SH3GLB2: variants seen among roughly 807,000 people sequenced by gnomAD.
SH3GLB2 encodes endophilin-B2.
Under a neutral mutation model 48.0 loss-of-function variants are expected in SH3GLB2, and 24 were observed. The observed-to-expected ratio is 0.50, with a 90% confidence interval of 0.36 to 0.70. SH3GLB2 has a LOEUF of 0.70. SH3GLB2 is among the 30% of genes least tolerant of loss of function. The probability of loss-of-function intolerance (pLI) is 0.00; values close to 1 mark genes in which losing one functional copy is unlikely to be tolerated. For synonymous variants in SH3GLB2, 227 were observed against 207.6 expected (o/e 1.09, Z -0.80); for missense variants, 425 against 516.0 (o/e 0.82, Z 1.71).
At position 129,014,583 on chromosome 9, in the gene SH3GLB2, G is replaced by A. The variant is rs549849191; in HGVS notation, c.469-80C>T. On this transcript the variant is annotated intron_variant, in intron 4 of 10. Transcript: ENST00000372564. The surrounding 1 kb of genome is among the most constrained non-coding windows in gnomAD (Gnocchi z 4.1). The stretch of plus-strand genomic sequence containing the variant: ...AGCCATGCATGGCAAGATTGGTGCC[G>A]GGGACGATCAAGTCAAGATAGGGAA... 24 of 1,496,596 alleles carry A rather than the reference G, an allele frequency of 1.6e-5. No homozygotes were observed. Among genetic ancestry groups the A allele is most frequent in the South Asian group, 6.0e-5 (5 of 83,972 alleles). 92.7% of individuals were successfully genotyped at this position (1,496,596 alleles called of 1,614,324 possible).
chr9:129,025,464 G>A (rs1330522648), intron 1 of SH3GLB2, among the ~76,000 whole-genome samples: 1 of 151,776 alleles, frequency 6.6e-6, no homozygotes, highest in Non-Finnish European at 1.5e-5. Flanking sequence ...TACTCGGGAG[G>A]CTGAGGCAGA....
At chr9:129,019,350 T>C (rs192846829) in intron 3 of SH3GLB2, among the ~76,000 whole-genome samples, 268 of 151,290 alleles carry the variant, frequency 1.8e-3, no homozygotes, top group Non-Finnish European at 2.9e-3. Context: ...ATTGCACCAC[T>C]GCAATCCAGC....
At chr9:129,027,974 C>A (rs1844261217) in intron 1 of SH3GLB2, 118 bp downstream of exon 1, 1 of 939,590 alleles carries the variant, frequency 1.1e-6, no homozygotes, top group South Asian at 1.9e-5. Flanking sequence ...TGTGCCGCGG[C>A]GGGGACGAGG....
At position 129,009,869 on chromosome 9, in the gene SH3GLB2, C is replaced by T. The variant is rs1393436304; in HGVS notation, c.741G>A (p.Val247=). The part of the protein sequence containing the change: ...LLLEGISSTH[V]NHLRCLHEFV... ...ACTCGTGGAGGCAGCGCAGGTGGTT[C>T]ACCTGCGGGGAAGAGGCCAGAGGCT... The change falls in exon 9 of 11, where the codon GTG becomes GTA. Residue 247 remains valine (V), a splice_region_variant and synonymous_variant. Transcript: ENST00000372564. 2.5e-6 allele frequency: 4 copies of T among 1,613,324 alleles called. No individual in the cohort carries two copies. Among genetic ancestry groups the T allele is most frequent in the Non-Finnish European group, 3.4e-6 (4 of 1,179,674 alleles).
chr9:129,021,264 GC>G (rs2131288286), intron 2 of SH3GLB2, 45 bp from the exon 3 acceptor site: 1 of 1,549,312 alleles, frequency 6.5e-7, no homozygotes, highest in Non-Finnish European at 8.7e-7. Context: ...CTTAGTTCAA[GC>G]CCAAAAATGA....
intron 3 of SH3GLB2, among the ~76,000 whole-genome samples, chr9:129,020,882 A>G (rs1452148168): frequency 1.8e-5 from 2 of 110,160 alleles, no homozygotes; most frequent in Non-Finnish European, 3.8e-5. Context: ...AAAAAAACAA[A>G]AACAAAACAC....
chr9:129,021,250 G>C (rs1187130601), intron 2 of SH3GLB2, 31 bp from the exon 3 acceptor site: 2 of 1,582,144 alleles, frequency 1.3e-6, no homozygotes, highest in African/African-American at 2.7e-5. Context: ...AAGCCACAGG[G>C]CTCCTTAGTT....
chr9:129,026,248 T>C (rs558425991), intron 1 of SH3GLB2, among the ~76,000 whole-genome samples: 153 of 152,278 alleles, frequency 1.0e-3, no homozygotes, highest in African/African-American at 2.8e-3. Context: ...TTCTTGTACC[T>C]GCAGGGACTG....
At chr9:129,010,084 G>A (rs898375223) in intron 8 of SH3GLB2, 36 bp downstream of exon 8, 2 of 1,590,746 alleles carry the variant, frequency 1.3e-6, no homozygotes, top group African/African-American at 2.7e-5. Context: ...TGCCTGCTGA[G>A]GGTTAGGTTT....
chr9:129,009,082 CCCA>C, intron 10 of SH3GLB2, 21 bp downstream of exon 10: 1 of 1,604,382 alleles, frequency 6.2e-7, no homozygotes, highest in South Asian at 1.1e-5. Flanking sequence ...CCATTCCTGC[CCCA>C]CCTTGCGGCA....
At chr9:129,010,334 T>A (rs1852648413) in intron 7 of SH3GLB2, 125 bp from the exon 8 acceptor site, 2 of 798,462 alleles carry the variant, frequency 2.5e-6, no homozygotes, top group Non-Finnish European at 2.0e-6. Flanking sequence ...GCCTTCTGGG[T>A]CTATGCCTGA....
chr9:129,024,493 G>A (rs903868409), intron 1 of SH3GLB2, among the ~76,000 whole-genome samples: 6 of 151,172 alleles, frequency 4.0e-5, no homozygotes, highest in Non-Finnish European at 7.4e-5. Flanking sequence ...CCTGGGAGGC[G>A]GAGCTTGCAA....
intron 6 of SH3GLB2, 50 bp from the exon 7 acceptor site, chr9:129,010,743 A>G: frequency 6.2e-7 from 1 of 1,611,288 alleles, no homozygotes; most frequent in Non-Finnish European, 8.5e-7. Context: ...AGAGGAGGAC[A>G]GCTGGACCCT....
At chr9:129,010,619 C>T (rs1293052820) in intron 7 of SH3GLB2, 51 bp downstream of exon 7, 4 of 1,603,144 alleles carry the variant, frequency 2.5e-6, no homozygotes, top group Middle Eastern at 1.7e-4. Flanking sequence ...AGTGTGCCTG[C>T]ACCCCGCCAC....
chr9:129,012,329 G>T (rs1843175701), intron 5 of SH3GLB2, 31 bp from the exon 6 acceptor site: 1 of 1,265,398 alleles, frequency 7.9e-7, no homozygotes. Context: ...TGTGGGGAGG[G>T]GGTCACCCTG....
rs190330585 is a variant in SH3GLB2 at position 129,025,118 on chromosome 9, A to G, written c.64-2695T>C. Among the ~76,000 whole-genome samples, 4 of 147,332 alleles carry G rather than the reference A, an allele frequency of 2.7e-5. No individual in the cohort carries two copies. The East Asian group carries it at 8.1e-4, about 30-fold the overall frequency. ...TAGTAAAACCCCATCTCTACTAAAA[A>G]TACAAGAATTAGCATGACGTGGTGG... On this transcript the variant is annotated intron_variant, in intron 1 of 10. Transcript: ENST00000372564.
chr9:129,016,341 TTAAAAAAAAAAAA>T (rs1843418544), intron 3 of SH3GLB2, among the ~76,000 whole-genome samples: 10 of 111,124 alleles, frequency 9.0e-5, no homozygotes, highest in Non-Finnish European at 1.1e-4. Context: ...AAGACTGTCT[TTAAAAAAAAAAAA>T]AAAAAAAAAA....
At chr9:129,018,143 G>A (rs114619565) in intron 3 of SH3GLB2, among the ~76,000 whole-genome samples, 1,537 of 152,072 alleles carry the variant, frequency 0.01, 33 homozygotes, top group African/African-American at 0.035. Context: ...TTCTCTGATC[G>A]CAGTGGAATT....
intron 2 of SH3GLB2, among the ~76,000 whole-genome samples, chr9:129,021,568 C>T (rs968406106): frequency 1.3e-4 from 19 of 151,966 alleles, no homozygotes; most frequent in South Asian, 4.2e-4. Context: ...CTCCTTTCCC[C>T]GGAAGTCCTG....
Sources: allele counts gnomAD v4.1 joint callset (sites outside exome capture counted in the v4.1 genomes callset), GRCh38; gene constraint gnomAD v4.1.1; non-coding constraint Gnocchi (gnomAD v3.1); transcripts MANE v1.5; gene names NCBI Gene and HGNC (gene_info 2026-07-23, HGNC 2026-07-21).